The following GAPVD1 variants were observed in gnomAD, a reference collection of about 807,000 sequenced individuals.
GAPVD1 encodes GTPase-activating protein and VPS9 domain-containing protein 1.
GAPVD1 carries 35 observed loss-of-function variants against 155.5 expected under a neutral mutation model. The ratio of observed to expected loss-of-function variants is 0.23; its 90% CI spans 0.17 to 0.30. The LOEUF (loss-of-function observed/expected upper bound fraction) is 0.30. Ranked by LOEUF, GAPVD1 falls within the 10% of genes least tolerant of loss-of-function variation. GAPVD1 has a pLI of 1.00. For missense variants in GAPVD1, 1,429 were observed against 1,775.7 expected (o/e 0.80, Z 3.51); for synonymous variants, 636 against 619.7 (o/e 1.03, Z -0.39).
At chr9:125,272,233 A>AG (rs1835033837) in intron 2 of GAPVD1, among the ~76,000 whole-genome samples, 1 of 152,010 alleles carries the variant, frequency 6.6e-6, no homozygotes, top group Non-Finnish European at 1.5e-5. Flanking sequence ...CATCTTGGCC[A>AG]GGCTGGTCTT....
intron 2 of GAPVD1, among the ~76,000 whole-genome samples, chr9:125,272,669 A>G (rs549341870): frequency 2.0e-4 from 30 of 152,328 alleles, no homozygotes; most frequent in African/African-American, 6.3e-4. Context: ...TTGAAAACCT[A>G]TTTTAACAAA....
At chr9:125,287,859 G>A (rs1236025260) in intron 2 of GAPVD1, 1 of 151,944 alleles carries the variant, frequency 6.6e-6, no homozygotes, top group African/African-American at 2.4e-5. Flanking sequence ...TCCTGCCTCA[G>A]CCTCTTGAGT....
chr9:125,357,651 TG>T (rs1420477767), intron 25 of GAPVD1, among the ~76,000 whole-genome samples: 1 of 152,112 alleles, frequency 6.6e-6, no homozygotes, highest in East Asian at 1.9e-4. Flanking sequence ...GTATGGCTTG[TG>T]AGTTATATCT....
Position 125,312,618 on chromosome 9 carries a change from A to G in GAPVD1, c.1602+6A>G, listed in dbSNP as rs1442811253. The G allele has an allele frequency of 1.3e-6, 2 of 1,573,400 alleles. No homozygotes were observed. Among genetic ancestry groups the G allele is most frequent in the Non-Finnish European group, 8.6e-7 (1 of 1,166,126 alleles). ...GGATGATGTCAGAAAATGAGGTATGAATCAGTTGCTTCTATAAATCAATAT... is the reference window on the plus strand; with the variant it reads ...GGATGATGTCAGAAAATGAGGTATGGATCAGTTGCTTCTATAAATCAATAT... On this transcript the variant is annotated splice_donor_region_variant and intron_variant, in intron 9 of 27. Transcript: ENST00000297933.
At chr9:125,319,012 C>G (rs1192359730) in intron 9 of GAPVD1, among the ~76,000 whole-genome samples, 1 of 151,442 alleles carries the variant, frequency 6.6e-6, no homozygotes, top group Non-Finnish European at 1.5e-5. Context: ...CCCATCTTTA[C>G]TAAAAATACA....
Position 125,330,156 on chromosome 9 carries a change from G to C in GAPVD1, c.2111G>C (p.Gly704Ala), listed in dbSNP as rs769787596. The change falls in exon 13 of 28, where the codon GGT (glycine) becomes GCT (alanine). Residue 704 changes from glycine (G) to alanine (A), a missense_variant. Gly to Ala is a moderately conservative substitution (Grantham distance 60). Around this residue, in one of 4 missense-constraint regions of GAPVD1, gnomAD observed 699 missense variants for 826.0 expected, o/e 0.85. Transcript: ENST00000297933. Reference protein sequence around the residue: ...SGSVLLDPCTGSTISETTSEA... With the variant: ...SGSVLLDPCTASTISETTSEA... ...TCAGTGCTTCTTGACCCCTGCACTG[G>C]TTCTACCATATCAGAGACAACAAGT... 6.2e-7 allele frequency: 1 copy of C among 1,612,572 alleles called. No homozygotes were observed. Among genetic ancestry groups the C allele is most frequent in the Non-Finnish European group, 8.5e-7 (1 of 1,178,682 alleles).
At chr9:125,294,731 G>T (rs1388127335) in intron 2 of GAPVD1, among the ~76,000 whole-genome samples, 2 of 142,640 alleles carry the variant, frequency 1.4e-5, no homozygotes, top group African/African-American at 5.2e-5. Context: ...CTGAAATTCT[G>T]TCTTGATATT....
intron 2 of GAPVD1, among the ~76,000 whole-genome samples, chr9:125,278,920 T>C (rs1836260059): frequency 6.6e-6 from 1 of 151,464 alleles, no homozygotes; most frequent in South Asian, 2.1e-4. Flanking sequence ...ATTTTAAAAA[T>C]GGCAGTCATG....
Position 125,337,472 on chromosome 9 carries a change from C to T in GAPVD1, c.2758C>T (p.Arg920Trp), listed in dbSNP as rs767922400. 59 of 1,614,034 alleles carry T rather than the reference C, an allele frequency of 3.7e-5. No homozygotes were observed. Among genetic ancestry groups the T allele is most frequent in the South Asian group, 1.9e-4 (17 of 91,092 alleles). ...ACCCATGAGTGACCCCAGCTGGAAC[C>T]GGCGTCCAGGAAATGAAGAGCGAGA... ...RRPMSDPSWN[R>W]RPGNEERELP... Residue 920 changes from arginine (R) to tryptophan (W), a missense_variant, in exon 17 of 28, where the codon CGG becomes TGG. This residue lies in a region of GAPVD1 where 699 missense variants were observed against 826.0 expected (regional missense o/e 0.85). Transcript: ENST00000297933.
rs1845778037 is a variant in GAPVD1 at position 125,329,605 on chromosome 9, C to A, written c.2033-473C>A. 1.4e-5 allele frequency among the ~76,000 whole-genome samples: 2 copies of A among 148,036 alleles called. 1 individual carries two copies. The highest frequency in any genetic ancestry group is 3.0e-5 in the Non-Finnish European group (2 of 67,244). On this transcript the variant is annotated intron_variant, in intron 12 of 27. Transcript: ENST00000297933. ...ATTGAAGTTATTCTTACTTTGGCCT[C>A]TTTCTTGTAGGTAGAGAGGAATTTG...
intron 8 of GAPVD1, chr9:125,310,126 ATTGC>A (rs1394019258): frequency 2.6e-5 from 6 of 234,068 alleles, no homozygotes; most frequent in South Asian, 1.5e-4. Context: ...ATAAAATTTG[ATTGC>A]TTGCATTTTT....
intron 2 of GAPVD1, among the ~76,000 whole-genome samples, chr9:125,275,882 T>C (rs1393511641): frequency 6.6e-6 from 1 of 152,248 alleles, no homozygotes; most frequent in African/African-American, 2.4e-5. Context: ...TCCTAAGTAA[T>C]GCATATTAGC....
At chr9:125,351,353 GC>G (rs1374965818) in intron 23 of GAPVD1, among the ~76,000 whole-genome samples, 2 of 152,070 alleles carry the variant, frequency 1.3e-5, no homozygotes, top group African/African-American at 4.8e-5. Context: ...ATATCTTTCT[GC>G]CCCTTGCTTC....
At chr9:125,294,641 C>T (rs1414436242) in intron 2 of GAPVD1, among the ~76,000 whole-genome samples, 2 of 147,958 alleles carry the variant, frequency 1.4e-5, no homozygotes, top group Non-Finnish European at 3.0e-5. Context: ...CCACCGTACC[C>T]AGCTAAAATG....
chr9:125,319,601 C>CTTT (rs777202943), intron 9 of GAPVD1, among the ~76,000 whole-genome samples: 3 of 121,504 alleles, frequency 2.5e-5, no homozygotes, highest in African/African-American at 3.0e-5. Context: ...GAAAAAAAAA[C>CTTT]TTTTTTTTTT....
intron 16 of GAPVD1, 59 bp from the exon 17 acceptor site, chr9:125,337,162 T>A (rs1020452241): frequency 2.3e-5 from 37 of 1,606,384 alleles, no homozygotes; most frequent in Non-Finnish European, 2.4e-5. Context: ...ATCCCCTTGT[T>A]AATGCCTTTG....
chr9:125,308,428 C>G (rs571540157), intron 8 of GAPVD1: 1 of 151,770 alleles, frequency 6.6e-6, no homozygotes, highest in South Asian at 2.1e-4. Flanking sequence ...TTAGAAGTTT[C>G]CATCAATAAA....
chr9:125,263,434 C>T (rs1254422048), intron 1 of GAPVD1: 8 of 515,028 alleles, frequency 1.6e-5, no homozygotes, highest in Non-Finnish European at 2.1e-5. Flanking sequence ...GGCAACAGAG[C>T]GAGACTCCGT....
chr9:125,356,774 C>T (rs889677621), intron 25 of GAPVD1, among the ~76,000 whole-genome samples: 12 of 152,182 alleles, frequency 7.9e-5, no homozygotes, highest in African/African-American at 2.2e-4. Flanking sequence ...TGGGCTTAAG[C>T]GATTCTCCTG....
Sources: gnomAD v4.1 joint callset for allele counts (sites outside exome capture counted in the v4.1 genomes callset) on GRCh38, gnomAD v4.1.1 for gene constraint, gnomAD v4.1.1 regional missense constraint, MANE v1.5 for transcripts, NCBI Gene and HGNC (gene_info 2026-07-23, HGNC 2026-07-21) for gene names.